Variants in NOM1 observed in about 807,000 individuals in gnomAD.
The protein encoded by NOM1 is nucleolar MIF4G domain-containing protein 1.
Under a neutral mutation model 73.3 loss-of-function variants are expected in NOM1, and 58 were observed. The observed-to-expected ratio is 0.79, with a 90% CI of 0.64 to 0.99. The LOEUF is 0.99. Ranked by LOEUF, NOM1 falls within the 50% of genes least tolerant of loss-of-function variation. The probability of loss-of-function intolerance (pLI) is 0.00; values close to 1 mark genes in which losing one functional copy is unlikely to be tolerated. For missense variants in NOM1, 1,226 were observed against 1,131.9 expected (o/e 1.08, Z -1.19); for synonymous variants, 487 against 446.8 (o/e 1.09, Z -1.14).
At position 156,971,240 on chromosome 7, in the gene NOM1, A is replaced by G. The variant is rs1171908138; in HGVS notation, c.*1537A>G. The G allele has an allele frequency of 6.6e-6, 1 of 152,242 alleles. No individual in the cohort carries two copies. The highest frequency in any genetic ancestry group is 2.4e-5 in the African/African-American group (1 of 41,464). The allele number at this position is 152,242 out of a possible 1,614,324, so 9.4% of individuals were successfully genotyped here. A position where few individuals can be genotyped will look rare whatever the true frequency, so the allele number is the denominator to read the frequency against. On this transcript the variant is annotated 3_prime_UTR_variant, in exon 11 of 11. Coordinates refer to ENST00000275820, the MANE Select transcript of NOM1 (RefSeq NM_138400.2). ...AAAGTCACTAAGATGTGAATACAGAATAGACATTGAGAGGTTATATATGTC... is the reference window on the plus strand; with the variant it reads ...AAAGTCACTAAGATGTGAATACAGAGTAGACATTGAGAGGTTATATATGTC...
chr7:156,958,538 A>G (rs1263444749), intron 3 of NOM1: 6 of 151,558 alleles, frequency 4.0e-5, no homozygotes, highest in East Asian at 3.9e-4. Flanking sequence ...ATGACACGGT[A>G]GTGTTGCCAG....
chr7:156,955,339 T>G (rs1434126895), intron 3 of NOM1, among the ~76,000 whole-genome samples: 2 of 152,184 alleles, frequency 1.3e-5, no homozygotes, highest in African/African-American at 2.4e-5. Flanking sequence ...ATTTCAGATG[T>G]GTTGAAGTAA....
intron 8 of NOM1, 83 bp downstream of exon 8, chr7:156,966,485 A>C: frequency 5.9e-6 from 9 of 1,523,058 alleles, no homozygotes; most frequent in Non-Finnish European, 8.1e-6. Flanking sequence ...CCTGCAAAGG[A>C]GTTCCCCAAG....
At position 156,972,450 on chromosome 7, in the gene NOM1, C is replaced by G. The variant is rs1805162565; in HGVS notation, c.*2747C>G. The G allele has an allele frequency of 8.8e-6, 1 of 113,300 alleles. No individual in the cohort carries two copies. Among genetic ancestry groups the G allele is most frequent in the South Asian group, 2.6e-4 (1 of 3,872 alleles). 7.0% of individuals were successfully genotyped at this position (113,300 alleles called of 1,614,324 possible). A position where few individuals can be genotyped will look rare whatever the true frequency, so the allele number is the denominator to read the frequency against. On this transcript the variant is annotated 3_prime_UTR_variant, in exon 11 of 11. Coordinates refer to ENST00000275820, the MANE Select transcript of NOM1 (RefSeq NM_138400.2). ...TTATTATTAAAACAAAAATACCTCT[C>G]TTTGCTAGAGAGTTATATGTATGAC...
rs570675866 is a variant in NOM1, at chr7:156,972,176, C to G, written c.*2473C>G. ...GCCTCGGTAGATTTGCATTCTGATG[C>G]AAGCCCCCAACCTCACGGACCAAGA... On this transcript the variant is annotated 3_prime_UTR_variant, in exon 11 of 11. Transcript: ENST00000275820. The G allele has an allele frequency of 6.6e-6, 1 of 152,364 alleles. No individual in the cohort carries two copies. Among genetic ancestry groups the G allele is most frequent in the East Asian group, 1.9e-4 (1 of 5,188 alleles). 9.4% of individuals were successfully genotyped at this position (152,364 alleles called of 1,614,324 possible). A position where few individuals can be genotyped will look rare whatever the true frequency, so the allele number is the denominator to read the frequency against.
intron 3 of NOM1, among the ~76,000 whole-genome samples, chr7:156,956,354 G>A (rs571829066): frequency 5.9e-5 from 9 of 152,132 alleles, no homozygotes; most frequent in African/African-American, 2.4e-5. Context: ...TTGTGCCTCC[G>A]AGTCTTCCTG....
intron 1 of NOM1, among the ~76,000 whole-genome samples, chr7:156,951,253 C>A (rs112579661): frequency 0.036 from 5,529 of 152,216 alleles, 172 homozygotes; most frequent in South Asian, 0.09. Flanking sequence ...CAAAAAACAG[C>A]CGGGCGTGGT....
Position 156,963,044 on chromosome 7 carries a change from C to G in NOM1, c.1780C>G (p.Arg594Gly), listed in dbSNP as rs138117452. 2 of 1,613,638 alleles carry G rather than the reference C, an allele frequency of 1.2e-6. No homozygotes were observed. Among genetic ancestry groups the G allele is most frequent in the Non-Finnish European group, 1.7e-6 (2 of 1,179,640 alleles). The stretch of plus-strand genomic sequence containing the variant: ...CGGCTCAGGTTCTGAGACGCAGCTT[C>G]GCGTCTCCTGGGACAGTGTCTTGAG... ...NAGSGSETQL[R>G]VSWDSVLSAE... Residue 594 changes from arginine (R) to glycine (G), a missense_variant, in exon 6 of 11, where the codon CGC (arginine) becomes GGC (glycine). By Grantham distance (125) the Arg-to-Gly change is moderately radical. Transcript: ENST00000275820.
chr7:156,957,723 C>T lies in NOM1; in HGVS notation c.1309-2128C>T, dbSNP rs574877800. 4.3e-3 allele frequency among the ~76,000 whole-genome samples: 422 copies of T among 98,070 alleles called. 1 individual carries two copies. Among genetic ancestry groups the T allele is most frequent in the African/African-American group, 0.016 (392 of 25,254 alleles). The allele number at this position is 98,070 out of a possible 152,430, so 64.3% of individuals were successfully genotyped here. On this transcript the variant is annotated intron_variant, in intron 3 of 10. Transcript: ENST00000275820. ...CCAGCAGGCGGAGCTTGCAGTGAGCCGAGATCGCACCACTGCACTCCAGCC... is the reference window on the plus strand; with the variant it reads ...CCAGCAGGCGGAGCTTGCAGTGAGCTGAGATCGCACCACTGCACTCCAGCC...
At position 156,963,955 on chromosome 7, in the gene NOM1, C is replaced by T. The variant is rs1333129002; in HGVS notation, c.1962C>T (p.Asp654=). Reference sequence around the variant, plus strand: ...CCCGGAAGCAGAGGATGAACACAGACATCCGGAGAAACATATTCTGCACAA... The same window carrying T: ...CCCGGAAGCAGAGGATGAACACAGATATCCGGAGAAACATATTCTGCACAA... ...ELARKQRMNT[D]IRRNIFCTIM... The change falls in exon 7 of 11, where the codon GAC becomes GAT. Residue 654 remains aspartate (D), a synonymous_variant. Coordinates refer to ENST00000275820, the MANE Select transcript of NOM1 (RefSeq NM_138400.2). The T allele has an allele frequency of 6.2e-7, 1 of 1,614,020 alleles. No individual in the cohort carries two copies. Among genetic ancestry groups the T allele is most frequent in the African/African-American group, 1.3e-5 (1 of 74,940 alleles).
chr7:156,963,051 C>T lies in NOM1; in HGVS notation c.1787C>T (p.Ser596Phe). ...GSGSETQLRV[S>F]WDSVLSAEQT... is the part of the protein sequence containing the mutation. ...GGTTCTGAGACGCAGCTTCGCGTCTCCTGGGACAGTGTCTTGAGTGCGGAG... is the reference window on the plus strand; with the variant it reads ...GGTTCTGAGACGCAGCTTCGCGTCTTCTGGGACAGTGTCTTGAGTGCGGAG... The change falls in exon 6 of 11, where the codon TCC becomes TTC. Residue 596 changes from serine (S) to phenylalanine (F), a missense_variant. Physicochemically the swap from Ser to Phe is radical, Grantham distance 155. Transcript: ENST00000275820. 6.2e-7 allele frequency: 1 copy of T among 1,614,178 alleles called. No homozygotes were observed. Among genetic ancestry groups the T allele is most frequent in the Non-Finnish European group, 8.5e-7 (1 of 1,180,000 alleles).
At chr7:156,956,476 G>A (rs536966556) in intron 3 of NOM1, among the ~76,000 whole-genome samples, 79 of 152,324 alleles carry the variant, frequency 5.2e-4, no homozygotes, top group African/African-American at 1.8e-3. Flanking sequence ...GGAGATTTTC[G>A]TGTTTTAATT....
At chr7:156,966,511 T>C (rs958990773) in intron 8 of NOM1, 109 bp downstream of exon 8, 2 of 1,309,784 alleles carry the variant, frequency 1.5e-6, no homozygotes, top group Non-Finnish European at 2.1e-6. Context: ...AGGCCCCTGA[T>C]ATCCCCGTCA....
At chr7:156,965,351 C>T (rs1182788181) in intron 7 of NOM1, among the ~76,000 whole-genome samples, 2 of 152,210 alleles carry the variant, frequency 1.3e-5, no homozygotes, top group Non-Finnish European at 2.9e-5. Context: ...CTCCCAAGGC[C>T]CCAAGAGCAT....
In NOM1 at chr7:156,966,972, G is replaced by T. The variant is rs779599212; in HGVS notation, c.2178G>T (p.Gln726His). Residue 726 changes from glutamine (Q) to histidine (H), a missense_variant, in exon 9 of 11, where the codon CAG becomes CAT. Coordinates refer to ENST00000275820, the MANE Select transcript of NOM1 (RefSeq NM_138400.2). ...AACTATGATACTAGATGACTTTCCAGTTCAGCATATGGGACAAATTTCGGG... is the reference window on the plus strand; with the variant it reads ...AACTATGATACTAGATGACTTTCCATTTCAGCATATGGGACAAATTTCGGG... ...EYERRFQMTF[Q>H]FSIWDKFRDL... The T allele has an allele frequency of 1.2e-6, 2 of 1,613,060 alleles. No individual in the cohort carries two copies. The highest frequency in any genetic ancestry group is 1.1e-5 in the South Asian group (1 of 90,710).
chr7:156,962,109 GTTTGAAATGATGGAC>G, intron 4 of NOM1, 27 bp from the exon 5 acceptor site: 1 of 1,556,756 alleles, frequency 6.4e-7, no homozygotes, highest in South Asian at 1.1e-5. Context: ...CGTTTAGACT[GTTTGAAATGATGGAC>G]TTTCCATTTT....
chr7:156,971,849 G>A lies in NOM1; in HGVS notation c.*2146G>A, dbSNP rs772437459. ...AACCCTGCATTCAGCAACATCATTC[G>A]ACCCGAAGCCAGATTCAAACCCTAT... On this transcript the variant is annotated 3_prime_UTR_variant, in exon 11 of 11. Transcript: ENST00000275820. The A allele has an allele frequency of 4.6e-5, 7 of 152,224 alleles. No homozygotes were observed. The highest frequency in any genetic ancestry group is 1.0e-4 in the Non-Finnish European group (7 of 68,038). The allele number at this position is 152,224 out of a possible 1,614,324, so 9.4% of individuals were successfully genotyped here.
Position 156,959,877 on chromosome 7 carries a change from G to T in NOM1, c.1335G>T (p.Val445=), listed in dbSNP as rs1804819351. 1.2e-6 allele frequency: 2 copies of T among 1,614,088 alleles called. No homozygotes were observed. Among genetic ancestry groups the T allele is most frequent in the Non-Finnish European group, 1.7e-6 (2 of 1,180,044 alleles). Residue 445 remains valine (V), a synonymous_variant, in exon 4 of 11, where the codon GTG becomes GTT. Transcript: ENST00000275820. ...TCGGTGCCCACTTTCTGGAGGCAGT[G>T]GTGAGGAAGTTCGATGCCATCTATA... The part of the protein sequence containing the change: ...IEVGAHFLEA[V]VRKFDAIYKY...
intron 3 of NOM1, among the ~76,000 whole-genome samples, chr7:156,955,695 G>A (rs751696362): frequency 2.6e-5 from 4 of 152,314 alleles, no homozygotes; most frequent in African/African-American, 7.2e-5. Context: ...AGGCAAAGCC[G>A]CTGAAGCGCT....
Sources: allele counts gnomAD v4.1 joint callset (sites outside exome capture counted in the v4.1 genomes callset), GRCh38; gene constraint gnomAD v4.1.1; transcripts MANE v1.5; gene names NCBI Gene and HGNC (gene_info 2026-07-23, HGNC 2026-07-21).